DPH6: variants seen among roughly 807,000 people sequenced by gnomAD.
The protein encoded by DPH6 is diphthine--ammonia ligase.
Under a neutral mutation model 38.2 loss-of-function variants are expected in DPH6, and 33 were observed. The ratio of observed to expected loss-of-function variants is 0.86; its 90% confidence interval spans 0.65 to 1.15. DPH6 has a LOEUF of 1.15. DPH6 is among the 50% of genes most tolerant of loss of function. The pLI, the probability that DPH6 is intolerant of heterozygous loss-of-function variation, is 0.00. For synonymous variants in DPH6, 108 were observed against 103.0 expected (o/e 1.05, Z -0.30); for missense variants, 325 against 320.0 (o/e 1.02, Z -0.12).
rs548079694 is a variant in DPH6 at position 35,250,455 on chromosome 15, T to A, written n.201-29873A>T. 2.0e-5 allele frequency among the ~76,000 whole-genome samples: 3 copies of A among 152,308 alleles called. No homozygotes were observed. In the South Asian group the frequency reaches 6.2e-4, roughly 32 times the overall value. Reference sequence around the variant, plus strand: ...GAGTTTGGGTTTATTTTTCCATTAATATTCATGTAACATGGCAGTTCAAAT... The same window carrying A: ...GAGTTTGGGTTTATTTTTCCATTAAAATTCATGTAACATGGCAGTTCAAAT... On this transcript the variant is annotated intron_variant and non_coding_transcript_variant, in intron 3 of 3. Transcript: ENST00000560386.
intron 6 of DPH6, among the ~76,000 whole-genome samples, chr15:35,406,026 G>A (rs888569132): frequency 6.6e-6 from 1 of 151,924 alleles, no homozygotes; most frequent in African/African-American, 2.4e-5. Context: ...CGTATCGCAT[G>A]TTTTAATTTT....
exon 4 of DPH6, chr15:35,219,674 T>C (rs1318662793): frequency 6.6e-6 from 1 of 152,166 alleles, no homozygotes; most frequent in Non-Finnish European, 1.5e-5. Flanking sequence ...AATATGTTTT[T>C]GGATGGTAAA....
intron 3 of DPH6, among the ~76,000 whole-genome samples, chr15:35,361,261 A>G (rs2052611854): frequency 6.6e-6 from 1 of 151,852 alleles, no homozygotes; most frequent in Non-Finnish European, 1.5e-5. Flanking sequence ...GGATCTCAAT[A>G]CTCCCACAAG....
intron 6 of DPH6, among the ~76,000 whole-genome samples, chr15:35,390,548 TTC>T (rs1386961347): frequency 6.6e-6 from 1 of 152,182 alleles, no homozygotes; most frequent in Non-Finnish European, 1.5e-5. Context: ...TTTCTTTTTA[TTC>T]TTTTTTCTCT....
At chr15:35,392,802 A>G (rs1348662557) in intron 6 of DPH6, among the ~76,000 whole-genome samples, 1 of 152,230 alleles carries the variant, frequency 6.6e-6, no homozygotes, top group Non-Finnish European at 1.5e-5. Flanking sequence ...GCTGAGTTCT[A>G]AAGGATTAAG....
At chr15:35,320,856 A>G (rs942000502) in intron 3 of DPH6, among the ~76,000 whole-genome samples, 1 of 152,156 alleles carries the variant, frequency 6.6e-6, no homozygotes, top group African/African-American at 2.4e-5. Flanking sequence ...CAGGGAGAAA[A>G]AAATAAAAGC....
chr15:35,352,059 T>C (rs1210889955), intron 3 of DPH6, among the ~76,000 whole-genome samples: 1 of 152,184 alleles, frequency 6.6e-6, no homozygotes, highest in Non-Finnish European at 1.5e-5. Context: ...AATTGAAAAA[T>C]ATTTGTGGAT....
intron 3 of DPH6, among the ~76,000 whole-genome samples, chr15:35,460,949 C>T (rs984546699): frequency 6.7e-6 from 1 of 149,530 alleles, no homozygotes; most frequent in African/African-American, 2.4e-5. Context: ...ATTTCCACAC[C>T]TATCTGTAGG....
At chr15:35,409,271 T>C (rs915882641) in intron 6 of DPH6, among the ~76,000 whole-genome samples, 2 of 151,574 alleles carry the variant, frequency 1.3e-5, no homozygotes, top group African/African-American at 4.8e-5. Flanking sequence ...CCACTTAAAG[T>C]AAGGGGGAAG....
intron 5 of DPH6, among the ~76,000 whole-genome samples, chr15:35,422,703 T>G (rs2053521115): frequency 6.6e-6 from 1 of 151,868 alleles, no homozygotes; most frequent in African/African-American, 2.4e-5. Context: ...CTGTACCCCT[T>G]AATCAACATC....
intron 1 of DPH6, among the ~76,000 whole-genome samples, chr15:35,544,120 G>C (rs929776905): frequency 2.6e-5 from 4 of 152,132 alleles, no homozygotes; most frequent in African/African-American, 9.7e-5. Flanking sequence ...ATGTATGTTA[G>C]GTGAGAGGTC....
At chr15:35,418,572 T>C (rs2053464911) in intron 5 of DPH6, among the ~76,000 whole-genome samples, 1 of 152,128 alleles carries the variant, frequency 6.6e-6, no homozygotes, top group African/African-American at 2.4e-5. Flanking sequence ...AGCTGACATC[T>C]ATTTTACTTT....
At chr15:35,325,961 A>C (rs2140852462), downstream of DPH6, among the ~76,000 whole-genome samples, 1 of 152,340 alleles carries the variant, frequency 6.6e-6, no homozygotes, top group Middle Eastern at 3.4e-3. Flanking sequence ...CAATCTCAGT[A>C]GTAATTAGGG....
chr15:35,323,659 T>C (rs1237493194), intron 3 of DPH6, among the ~76,000 whole-genome samples: 1 of 152,186 alleles, frequency 6.6e-6, no homozygotes, highest in Non-Finnish European at 1.5e-5. Context: ...GGAGAATTCA[T>C]TTAAAAGTAA....
chr15:35,386,086 G>A (rs561320385), intron 6 of DPH6, among the ~76,000 whole-genome samples: 48 of 152,098 alleles, frequency 3.2e-4, no homozygotes, highest in Non-Finnish European at 6.2e-4. Context: ...TATGGGGTGA[G>A]AACATATGGT....
At chr15:35,374,708 TATAAC>T (rs998891382) in intron 7 of DPH6, among the ~76,000 whole-genome samples, 11 of 152,196 alleles carry the variant, frequency 7.2e-5, no homozygotes, top group African/African-American at 2.6e-4. Flanking sequence ...GAAAGCAACT[TATAAC>T]AGACATAGAA....
chr15:35,177,577 C>A, the DPH6 span, among the ~76,000 whole-genome samples: 3,498 of 90,348 alleles, frequency 0.039, 242 homozygotes, highest in East Asian at 0.45. Flanking sequence ...AAGATCCCAT[C>A]TCCAAAAAAA....
At chr15:35,314,539 G>A (rs993526036) in intron 3 of DPH6, among the ~76,000 whole-genome samples, 2 of 152,156 alleles carry the variant, frequency 1.3e-5, no homozygotes, top group Non-Finnish European at 2.9e-5. Flanking sequence ...GTGGTGGTTC[G>A]AGAAGTTTCA....
At chr15:35,541,157 C>G (rs1402391266) in intron 2 of DPH6, among the ~76,000 whole-genome samples, 2 of 152,092 alleles carry the variant, frequency 1.3e-5, no homozygotes, top group East Asian at 3.8e-4. Context: ...GCATTTACCT[C>G]TGACTCTCTG....
Sources: allele counts gnomAD v4.1 joint callset (sites outside exome capture counted in the v4.1 genomes callset), GRCh38; gene constraint gnomAD v4.1.1; transcripts MANE v1.5; gene names NCBI Gene and HGNC (gene_info 2026-07-23, HGNC 2026-07-21).